RASL12: variants seen among roughly 807,000 people sequenced by gnomAD.
The protein encoded by RASL12 is ras-like protein family member 12.
In RASL12, 16 loss-of-function variants were observed where a neutral mutation model predicts 22.9. The ratio of observed to expected loss-of-function variants is 0.70; its 90% confidence interval spans 0.47 to 1.06. The LOEUF is 1.06. Ranked by LOEUF, RASL12 falls within the 50% of genes least tolerant of loss-of-function variation. The pLI is 0.00. For synonymous variants in RASL12, 159 were observed against 152.2 expected (o/e 1.04, Z -0.33); for missense variants, 306 against 353.1 (o/e 0.87, Z 1.07).
At chr15:65,068,225 C>G, upstream of RASL12, 4 of 990,426 alleles carry the variant, frequency 4.0e-6, no homozygotes, top group Non-Finnish European at 4.8e-6. The surrounding 1 kb of genome is among the most constrained non-coding windows in gnomAD (Gnocchi z 4.2). Context: ...GAGAAGGAGC[C>G]CCAGGGCTAG....
intron 4 of RASL12, among the ~76,000 whole-genome samples, chr15:65,056,971 G>A (rs1442573801): frequency 1.3e-5 from 2 of 152,044 alleles, no homozygotes; most frequent in Non-Finnish European, 2.9e-5. Context: ...TTTTTTCCCT[G>A]TACTGAAAAC....
At chr15:65,050,098 G>A (rs1218762534), downstream of RASL12, 1 of 1,551,380 alleles carries the variant, frequency 6.4e-7, no homozygotes, top group Non-Finnish European at 8.7e-7. Flanking sequence ...TCGTGTGGAA[G>A]ATGGTAAGTG....
chr15:65,073,082 G>A (rs1472454850), intron 1 of RASL12, among the ~76,000 whole-genome samples: 1 of 151,914 alleles, frequency 6.6e-6, no homozygotes, highest in Non-Finnish European at 1.5e-5. Flanking sequence ...CCAAACCAAC[G>A]AACCAAACAA....
At chr15:65,076,048 T>C (rs963693672) in intron 1 of RASL12, among the ~76,000 whole-genome samples, 15 of 152,236 alleles carry the variant, frequency 9.9e-5, no homozygotes, top group Non-Finnish European at 1.5e-4. Context: ...AGAACTTTTG[T>C]ATCTAGCTCA....
In RASL12 at chr15:65,054,776, C is replaced by T; in HGVS notation, c.*123G>A. On this transcript the variant is annotated 3_prime_UTR_variant, in exon 5 of 5. Coordinates refer to ENST00000220062, the MANE Select transcript of RASL12 (RefSeq NM_016563.4). ...ACACAGTGAATTGAGTGTAGGGACA[C>T]TGCTTGGTGCTGGAGGCGGGGTCTG... 1 of 1,495,892 alleles carries T rather than the reference C, an allele frequency of 6.7e-7. No homozygotes were observed. The allele number at this position is 1,495,892 out of a possible 1,614,324, so 92.7% of individuals were successfully genotyped here. A position where few individuals can be genotyped will look rare whatever the true frequency, so the allele number is the denominator to read the frequency against.
At chr15:65,052,503 T>A (rs2086666832), downstream of RASL12, among the ~76,000 whole-genome samples, 1 of 148,216 alleles carries the variant, frequency 6.7e-6, no homozygotes, top group Admixed American at 7.0e-5. Flanking sequence ...CAGGTTCAAG[T>A]GATTCTCCTG....
chr15:65,058,841 G>A (rs2140520273), intron 3 of RASL12, among the ~76,000 whole-genome samples: 1 of 152,376 alleles, frequency 6.6e-6, no homozygotes, highest in Middle Eastern at 3.4e-3. Context: ...GGAGACCTTG[G>A]CCCCTTGGGC....
chr15:65,057,903 T>G (rs2086752326), intron 4 of RASL12, among the ~76,000 whole-genome samples: 2 of 152,156 alleles, frequency 1.3e-5, no homozygotes, highest in Non-Finnish European at 2.9e-5. Context: ...AGGGTGCAGT[T>G]GCTGTGTGAC....
At chr15:65,062,063 CAA>C (rs547999122) in intron 2 of RASL12, among the ~76,000 whole-genome samples, 41 of 77,334 alleles carry the variant, frequency 5.3e-4, no homozygotes, top group Admixed American at 1.1e-3. Context: ...CCTGGGTGAC[CAA>C]AAAAAAAAAA....
At chr15:65,062,678 C>T (rs2086824295) in intron 2 of RASL12, among the ~76,000 whole-genome samples, 1 of 152,222 alleles carries the variant, frequency 6.6e-6, no homozygotes, top group Admixed American at 6.5e-5. Context: ...AATCTCCACC[C>T]TCAAGGCTCA....
chr15:65,048,494 T>C (rs2086605499), downstream of RASL12, among the ~76,000 whole-genome samples: 1 of 152,206 alleles, frequency 6.6e-6, no homozygotes, highest in Admixed American at 6.5e-5. Context: ...GGGGCTGAGA[T>C]TGTTGAGCAC....
the RASL12 span, among the ~76,000 whole-genome samples, chr15:65,047,684 T>G: frequency 6.6e-6 from 1 of 152,170 alleles, no homozygotes; most frequent in Non-Finnish European, 1.5e-5. Context: ...GGACAGTCAG[T>G]TGGAGCTAGA....
chr15:65,063,436 A>G (rs1464458196), intron 2 of RASL12, among the ~76,000 whole-genome samples: 2 of 151,974 alleles, frequency 1.3e-5, no homozygotes, highest in Non-Finnish European at 2.9e-5. Flanking sequence ...CTCGCCGGCC[A>G]GTGCACCATT....
downstream of RASL12, among the ~76,000 whole-genome samples, chr15:65,049,009 C>CAAAAAAA (rs67842486): frequency 1.1e-5 from 1 of 94,310 alleles, no homozygotes. Flanking sequence ...GACTCCGTCT[C>CAAAAAAA]AAAAAAAAAA....
In RASL12 at chr15:65,067,747, C is replaced by T. The variant is rs1250085640; in HGVS notation, c.89G>A (p.Gly30Glu). 5.1e-6 allele frequency: 8 copies of T among 1,568,662 alleles called. No individual in the cohort carries two copies. The highest frequency in any genetic ancestry group is 1.4e-5 in the African/African-American group (1 of 72,488). ...GCGCCACTCACCAGACTTGCCAGCC[C>T]CGCGGCGCCCCAGGATGGCCAGGTT... ...EVNLAILGRR[G>E]AGKSALTVKF... is the part of the protein sequence containing the mutation. The change falls in exon 1 of 5, where the codon GGG becomes GAG. Residue 30 changes from glycine (G) to glutamate (E), a missense_variant. Transcript: ENST00000220062.
chr15:65,052,277 A>T (rs1012597413), downstream of RASL12, among the ~76,000 whole-genome samples: 26 of 152,140 alleles, frequency 1.7e-4, no homozygotes, highest in Non-Finnish European at 3.7e-4. Context: ...GTGTGTGGTG[A>T]CAAGGACCTA....
intron 2 of RASL12, among the ~76,000 whole-genome samples, chr15:65,059,827 C>T (rs1317808332): frequency 6.6e-6 from 1 of 152,182 alleles, no homozygotes; most frequent in Non-Finnish European, 1.5e-5. Flanking sequence ...CCTCCTGTCC[C>T]CAGTGGGAGA....
intron 2 of RASL12, 106 bp downstream of exon 2, chr15:65,065,111 G>T: frequency 9.3e-7 from 1 of 1,074,124 alleles, no homozygotes; most frequent in Non-Finnish European, 1.3e-6. Flanking sequence ...TCTCCCTTCT[G>T]TCCCCAGACA....
At chr15:65,065,323 TG>T in intron 1 of RASL12, 50 bp from the exon 2 acceptor site, 3 of 1,565,168 alleles carry the variant, frequency 1.9e-6, no homozygotes, top group Non-Finnish European at 2.6e-6. Flanking sequence ...CATGTCTAGC[TG>T]CTGGCCCCTC....
Sources: gnomAD v4.1 joint callset for allele counts (sites outside exome capture counted in the v4.1 genomes callset) on GRCh38, gnomAD v4.1.1 for gene constraint, Gnocchi (gnomAD v3.1) non-coding constraint, MANE v1.5 for transcripts, NCBI Gene and HGNC (gene_info 2026-07-23, HGNC 2026-07-21) for gene names.